MCTP1: variants seen among roughly 807,000 people sequenced by gnomAD.
MCTP1 encodes multiple C2 and transmembrane domain containing 1.
In MCTP1, 69 loss-of-function variants were observed where a neutral mutation model predicts 120.6. The observed-to-expected ratio is 0.57, with a 90% CI of 0.47 to 0.70. MCTP1 has a LOEUF of 0.70. Among genes scored for constraint, MCTP1 ranks in the 30% least tolerant of loss-of-function variants. MCTP1 has a pLI of 0.00. For missense variants in MCTP1, 1,203 were observed against 1,248.8 expected, an observed-to-expected ratio of 0.96 and a Z score of 0.55; for synonymous variants, 529 against 493.1, an observed-to-expected ratio of 1.07 and a Z score of -0.96.
At chr5:94,710,534 A>C (rs1467693334) in intron 21 of MCTP1, 2 of 304,514 alleles carry the variant, frequency 6.6e-6, no homozygotes, top group Non-Finnish European at 1.2e-5. Flanking sequence ...AAAATAAATC[A>C]GAGGGATATC....
chr5:95,137,290 T>C (rs1759519663), intron 1 of MCTP1, among the ~76,000 whole-genome samples: 1 of 152,256 alleles, frequency 6.6e-6, no homozygotes, highest in Admixed American at 6.5e-5. Context: ...CAGTTGTTAC[T>C]ATGTATTATG....
chr5:94,824,034 A>G (rs985653987), intron 17 of MCTP1, among the ~76,000 whole-genome samples: 1 of 152,116 alleles, frequency 6.6e-6, no homozygotes, highest in African/African-American at 2.4e-5. Context: ...AATACGCTTT[A>G]TTTCTCTCTC....
At chr5:95,085,980 A>C (rs921081469) in intron 1 of MCTP1, among the ~76,000 whole-genome samples, 1 of 151,828 alleles carries the variant, frequency 6.6e-6, no homozygotes, top group Non-Finnish European at 1.5e-5. Context: ...CAATTATGAG[A>C]GTTATAGATA....
intron 19 of MCTP1, among the ~76,000 whole-genome samples, chr5:94,749,373 G>A (rs1027707402): frequency 5.9e-5 from 9 of 151,964 alleles, no homozygotes; most frequent in African/African-American, 1.5e-4. Context: ...ACATCTTATC[G>A]GCCAGCTGTG....
intron 21 of MCTP1, chr5:94,709,175 G>A (rs1370426800): frequency 1.3e-5 from 2 of 151,976 alleles, no homozygotes; most frequent in African/African-American, 2.4e-5. Context: ...CAACAAACTG[G>A]TAAAAACTGA....
At chr5:95,230,203 T>C (rs911559144) in intron 1 of MCTP1, among the ~76,000 whole-genome samples, 6 of 148,118 alleles carry the variant, frequency 4.1e-5, no homozygotes, top group Admixed American at 6.8e-5. Flanking sequence ...TGTATATATA[T>C]ACACACACAT....
intron 2 of MCTP1, among the ~76,000 whole-genome samples, chr5:94,982,915 A>G (rs1310830873): frequency 1.5e-5 from 2 of 134,904 alleles, no homozygotes; most frequent in African/African-American, 2.7e-5. Context: ...AAAAAAAAAG[A>G]TGGTCAGGGT....
chr5:94,965,870 C>T (rs66574597), intron 2 of MCTP1, among the ~76,000 whole-genome samples: 6,159 of 152,206 alleles, frequency 0.04, 167 homozygotes, highest in Middle Eastern at 0.092. Flanking sequence ...CACGTGAGGA[C>T]ACAATGTTTT....
At chr5:94,744,527 A>G (rs1310124265) in intron 19 of MCTP1, among the ~76,000 whole-genome samples, 1 of 151,334 alleles carries the variant, frequency 6.6e-6, no homozygotes, top group African/African-American at 2.4e-5. Flanking sequence ...TTTTTGAGAC[A>G]GAGTCTTGCT....
At chr5:94,894,368 A>C (rs1803393304) in intron 11 of MCTP1, among the ~76,000 whole-genome samples, 1 of 152,256 alleles carries the variant, frequency 6.6e-6, no homozygotes, top group African/African-American at 2.4e-5. Context: ...TGGCCTTCCT[A>C]TATGGGTAGC....
chr5:95,120,916 A>G (rs1251490412), intron 1 of MCTP1, among the ~76,000 whole-genome samples: 1 of 152,192 alleles, frequency 6.6e-6, no homozygotes, highest in Non-Finnish European at 1.5e-5. Flanking sequence ...AGATGATATG[A>G]TCTTAAATTT....
intron 1 of MCTP1, among the ~76,000 whole-genome samples, chr5:95,123,096 A>G (rs1246077647): frequency 1.3e-5 from 2 of 152,206 alleles, no homozygotes; most frequent in African/African-American, 4.8e-5. Flanking sequence ...ATAATTGTAC[A>G]TTTTAAAATA....
intron 1 of MCTP1, among the ~76,000 whole-genome samples, chr5:95,101,970 G>A (rs550478732): frequency 6.6e-6 from 1 of 152,180 alleles, no homozygotes; most frequent in African/African-American, 2.4e-5. Flanking sequence ...CAAGGTCTGT[G>A]TTTTTTTCCT....
rs10064034 is a variant in MCTP1 at position 94,841,434 on chromosome 5, T to C, written c.2436+26899A>G. On this transcript the variant is annotated intron_variant, in intron 17 of 22. Transcript: ENST00000515393. ...TATGCTGTTGCTACTTACCATTTCATAGTGGCACAACTCCCACCCCAAACA... is the reference window on the plus strand; with the variant it reads ...TATGCTGTTGCTACTTACCATTTCACAGTGGCACAACTCCCACCCCAAACA... Among the ~76,000 whole-genome samples, 1,268 of 152,294 alleles carry C rather than the reference T, an allele frequency of 8.3e-3. 15 individuals are homozygous for C. Among genetic ancestry groups the C allele is most frequent in the African/African-American group, 0.023 (956 of 41,554 alleles).
intron 1 of MCTP1, among the ~76,000 whole-genome samples, chr5:95,233,923 A>G (rs904174038): frequency 1.1e-4 from 16 of 152,096 alleles, no homozygotes; most frequent in African/African-American, 3.9e-4. Flanking sequence ...GAAAACTGAA[A>G]AACAGTGGGG....
At chr5:94,980,923 AGTT>A (rs1430471334) in intron 2 of MCTP1, 1 of 152,174 alleles carries the variant, frequency 6.6e-6, no homozygotes, top group Non-Finnish European at 1.5e-5. Context: ...TGGTTATATA[AGTT>A]TTATAAGTAA....
At chr5:94,802,627 A>G (rs1781448757) in intron 17 of MCTP1, among the ~76,000 whole-genome samples, 1 of 152,218 alleles carries the variant, frequency 6.6e-6, no homozygotes, top group Non-Finnish European at 1.5e-5. Context: ...GGCAGCTGGA[A>G]GAAACCCAAG....
chr5:94,813,501 A>G lies in MCTP1; in HGVS notation c.2437-14369T>C, dbSNP rs552689002. ...AAAACATATGCCTACATAAAGATACATACACGGATGTGCATTGCAGCATTA... is the reference window on the plus strand; with the variant it reads ...AAAACATATGCCTACATAAAGATACGTACACGGATGTGCATTGCAGCATTA... On this transcript the variant is annotated intron_variant, in intron 17 of 22. Coordinates refer to ENST00000515393, the MANE Select transcript of MCTP1 (RefSeq NM_024717.7). 2.6e-5 allele frequency among the ~76,000 whole-genome samples: 4 copies of G among 152,342 alleles called. No individual in the cohort carries two copies. In the South Asian group the frequency reaches 8.3e-4, roughly 32 times the overall value.
chr5:95,106,564 G>C (rs1030121773), intron 1 of MCTP1, among the ~76,000 whole-genome samples: 2 of 152,278 alleles, frequency 1.3e-5, no homozygotes, highest in Admixed American at 6.5e-5. Flanking sequence ...GGTTTGTACT[G>C]GTCATTCTAT....
Sources: allele counts gnomAD v4.1 joint callset (sites outside exome capture counted in the v4.1 genomes callset), GRCh38; gene constraint gnomAD v4.1.1; transcripts MANE v1.5; gene names NCBI Gene and HGNC (gene_info 2026-07-23, HGNC 2026-07-21).